CSF2RA: variants seen among roughly 807,000 people sequenced by gnomAD.
CSF2RA encodes granulocyte-macrophage colony-stimulating factor receptor subunit alpha.
Under a neutral mutation model 51.6 loss-of-function variants are expected in CSF2RA, and 42 were observed. The observed-to-expected ratio is 0.81, with a 90% CI of 0.64 to 1.05. The LOEUF (loss-of-function observed/expected upper bound fraction) is 1.05, where lower values mean the gene tolerates loss of function less well. CSF2RA is among the 50% of genes least tolerant of loss of function. The probability of loss-of-function intolerance (pLI) is 0.00; values close to 1 mark genes in which losing one functional copy is unlikely to be tolerated. For missense variants in CSF2RA, 530 were observed against 501.1 expected (o/e 1.06, Z -0.55); for synonymous variants, 222 against 193.0 (o/e 1.15, Z -1.24).
chrX:1,309,288 C>A (rs1409351128), intron 12 of CSF2RA, 114 bp from the exon 13 acceptor site: 1 of 1,127,930 alleles, frequency 8.9e-7, no homozygotes, highest in East Asian at 2.4e-5. Flanking sequence ...GCACTCCAGC[C>A]TGGGCAATAG....
At chrX:1,309,101 G>C (rs1271128324) in intron 12 of CSF2RA, among the ~76,000 whole-genome samples, 2 of 152,198 alleles carry the variant, frequency 1.3e-5, no homozygotes, top group Admixed American at 6.5e-5. Flanking sequence ...CGGCTAAAGG[G>C]GGAAAGGTGG....
intron 10 of CSF2RA, among the ~76,000 whole-genome samples, chrX:1,301,886 G>C (rs1470887200): frequency 6.9e-6 from 1 of 145,222 alleles, no homozygotes; most frequent in Non-Finnish European, 1.5e-5. Flanking sequence ...GATTACAGGC[G>C]TGAGCCACCG....
chrX:1,324,377 G>T, the CSF2RA span, among the ~76,000 whole-genome samples: 1 of 134,860 alleles, frequency 7.4e-6, no homozygotes, highest in African/African-American at 2.8e-5. Flanking sequence ...GAAAGAAAGA[G>T]AAAGAAAGAA....
intron 1 of CSF2RA, 41 bp downstream of exon 1, chrX:1,268,920 G>C (rs1338032441): frequency 6.6e-6 from 3 of 453,786 alleles, no homozygotes; most frequent in South Asian, 1.6e-5. Context: ...TGAGCATGTC[G>C]AGTCACCCGG....
At chrX:1,272,632 C>T (rs2088588428) in intron 1 of CSF2RA, among the ~76,000 whole-genome samples, 1 of 150,770 alleles carries the variant, frequency 6.6e-6, no homozygotes, top group Admixed American at 6.6e-5. Context: ...CGATTACAGG[C>T]ACCCGCCACT....
Position 1,294,570 on chromosome X carries a change from T to C in CSF2RA, c.780+109T>C. 8 of 1,420,078 alleles carry C rather than the reference T, an allele frequency of 5.6e-6. No individual in the cohort carries two copies. In the South Asian group the frequency reaches 9.4e-5, roughly 17 times the overall value. 88.0% of individuals were successfully genotyped at this position (1,420,078 alleles called of 1,614,324 possible). A position where few individuals can be genotyped will look rare whatever the true frequency, so the allele number is the denominator to read the frequency against. On this transcript the variant is annotated intron_variant, in intron 8 of 12. Transcript: ENST00000381529. ...GTGGCCTGGGGGAAGGATGCGTGGG[T>C]GGTGAGCGGTGACTCTGGGGTGAAC...
rs188926746 is a variant in CSF2RA at position 1,290,194 on chromosome X, T to G, written c.474-143T>G. The stretch of plus-strand genomic sequence containing the variant: ...GTTTTGTGTTTTGTGTTTTTGTGGG[T>G]TTTTTTTGTTTTGTGTTTTTGTTTT... On this transcript the variant is annotated intron_variant, in intron 6 of 12. Transcript: ENST00000381529. 0.18 allele frequency: 122,501 copies of G among 672,464 alleles called. 13,705 individuals carry two copies. The highest frequency in any genetic ancestry group is 0.24 in the Non-Finnish European group (92,586 of 391,868). The allele number at this position is 672,464 out of a possible 1,614,324, so 41.7% of individuals were successfully genotyped here.
chrX:1,301,331 C>CAAAAAAAAAAA (rs1156943650), intron 10 of CSF2RA, among the ~76,000 whole-genome samples: 2 of 62,684 alleles, frequency 3.2e-5, no homozygotes, highest in Non-Finnish European at 5.7e-5. Flanking sequence ...GACTCTGTCT[C>CAAAAAAAAAAA]AAAAAAAAAA....
intron 12 of CSF2RA, 44 bp from the exon 13 acceptor site, chrX:1,309,358 T>C: frequency 6.3e-7 from 1 of 1,583,726 alleles, no homozygotes; most frequent in Non-Finnish European, 8.7e-7. Flanking sequence ...AGTCCCAGGC[T>C]GAGCTCGTGA....
the CSF2RA span, among the ~76,000 whole-genome samples, chrX:1,316,300 A>AGAT: frequency 7.1e-6 from 1 of 140,190 alleles, no homozygotes; most frequent in South Asian, 2.2e-4. Flanking sequence ...ATAGATAGAT[A>AGAT]GATAGACAGA....
chrX:1,289,158 C>T (rs1427134362), intron 6 of CSF2RA: 43 of 499,802 alleles, frequency 8.6e-5, no homozygotes, highest in Non-Finnish European at 1.3e-4. Flanking sequence ...GAGTCTTGCT[C>T]TGTCGCCCAG....
intron 2 of CSF2RA, 34 bp from the exon 3 acceptor site, chrX:1,282,644 A>G (rs751069277): frequency 8.0e-5 from 119 of 1,481,226 alleles, no homozygotes; most frequent in Non-Finnish European, 1.1e-4. Flanking sequence ...GGGAGAGGCA[A>G]CCTTCTCACT....
chrX:1,322,443 T>TG, the CSF2RA span, among the ~76,000 whole-genome samples: 2 of 79,832 alleles, frequency 2.5e-5, no homozygotes, highest in South Asian at 5.8e-4. Context: ...GTGTTTGTTT[T>TG]TTTTTTTTTT....
At chrX:1,314,269 G>GCCCAACCCCACTGCA (rs2084330970), downstream of CSF2RA, among the ~76,000 whole-genome samples, 2 of 15,952 alleles carry the variant, frequency 1.3e-4, no homozygotes, top group Admixed American at 6.7e-4. Context: ...ACCCCACTGC[G>GCCCAACCCCACTGCA]CCTGCCCAAC....
chrX:1,324,280 G>C, the CSF2RA span, among the ~76,000 whole-genome samples: 1 of 149,936 alleles, frequency 6.7e-6, no homozygotes, highest in Non-Finnish European at 1.5e-5. Context: ...GATCACTTGA[G>C]GTCAGGAGTT....
At chrX:1,296,128 G>T (rs1244093225) in intron 9 of CSF2RA, among the ~76,000 whole-genome samples, 2 of 148,670 alleles carry the variant, frequency 1.3e-5, no homozygotes, top group Non-Finnish European at 3.0e-5. Flanking sequence ...TAAACCTACA[G>T]TCCCCTACCC....
chrX:1,314,894 GAACCTGCTCAACCC>G (rs2084477041), downstream of CSF2RA, among the ~76,000 whole-genome samples: 14 of 87,908 alleles, frequency 1.6e-4, 3 homozygotes, highest in East Asian at 2.3e-3. Context: ...CAACCACACT[GAACCTGCTCAACCC>G]CACTTCACCT....
intron 1 of CSF2RA, among the ~76,000 whole-genome samples, chrX:1,274,017 G>A (rs1160050087): frequency 6.6e-6 from 1 of 152,114 alleles, no homozygotes; most frequent in South Asian, 2.1e-4. Context: ...AAGCTTGGCG[G>A]CCTCTATTTT....
Position 1,309,712 on chromosome X carries a change from C to T in CSF2RA, c.*233C>T, listed in dbSNP as rs759447183. 2.6e-5 allele frequency: 24 copies of T among 928,868 alleles called. No homozygotes were observed. The Admixed American group carries it at 4.5e-4, about 17-fold the overall frequency. 57.5% of individuals were successfully genotyped at this position (928,868 alleles called of 1,614,324 possible). ...GACCAGCCTGCCCAACATGGTGAAACCCCATCTGGACTAAAAATGCAGAAA... is the reference window on the plus strand; with the variant it reads ...GACCAGCCTGCCCAACATGGTGAAATCCCATCTGGACTAAAAATGCAGAAA... On this transcript the variant is annotated 3_prime_UTR_variant, in exon 13 of 13. Coordinates refer to ENST00000381529, the MANE Select transcript of CSF2RA (RefSeq NM_172245.4).
Sources: gnomAD v4.1 joint callset for allele counts (sites outside exome capture counted in the v4.1 genomes callset) on GRCh38, gnomAD v4.1.1 for gene constraint, MANE v1.5 for transcripts, NCBI Gene and HGNC (gene_info 2026-07-23, HGNC 2026-07-21) for gene names.